FAM167A: variants seen among roughly 807,000 people sequenced by gnomAD.
FAM167A encodes protein FAM167A.
FAM167A carries 23 observed loss-of-function variants against 14.9 expected under a neutral mutation model. That is an observed-to-expected ratio of 1.55 (90% CI 1.11 to 2.19). FAM167A has a LOEUF of 2.19. Among genes scored for constraint, FAM167A ranks in the 30% most tolerant of loss-of-function variants. FAM167A has a pLI of 0.00. For missense variants in FAM167A, 401 were observed against 281.5 expected (o/e 1.42, Z -3.04); for synonymous variants, 174 against 117.7 (o/e 1.48, Z -3.10).
intron 1 of FAM167A, among the ~76,000 whole-genome samples, chr8:11,449,154 T>C (rs1806918100): frequency 6.6e-6 from 1 of 152,194 alleles, no homozygotes; most frequent in East Asian, 1.9e-4. Context: ...GCAGCATGTG[T>C]TTTCCTGGTC....
intron 1 of FAM167A, among the ~76,000 whole-genome samples, chr8:11,463,552 T>C (rs1337397401): frequency 6.6e-6 from 1 of 152,190 alleles, no homozygotes; most frequent in Non-Finnish European, 1.5e-5. Context: ...CTGTAGCCAG[T>C]GCACAAGTCA....
At chr8:11,461,897 T>C (rs894974463) in intron 1 of FAM167A, among the ~76,000 whole-genome samples, 1 of 152,232 alleles carries the variant, frequency 6.6e-6, no homozygotes, top group Non-Finnish European at 1.5e-5. Context: ...ACTGGGCACC[T>C]CCACGTTCGG....
chr8:11,470,952 G>C (rs531106258), upstream of FAM167A, among the ~76,000 whole-genome samples: 6 of 152,190 alleles, frequency 3.9e-5, no homozygotes, highest in African/African-American at 1.4e-4. Context: ...AGGACAATGA[G>C]GGCCAGCTTT....
intron 2 of FAM167A, among the ~76,000 whole-genome samples, chr8:11,442,990 T>G (rs1299332081): frequency 6.6e-6 from 1 of 152,206 alleles, no homozygotes; most frequent in Non-Finnish European, 1.5e-5. Context: ...TTCGGGATTC[T>G]GCAAAACAAA....
At chr8:11,437,424 G>A (rs545850724) in intron 2 of FAM167A, among the ~76,000 whole-genome samples, 13 of 152,250 alleles carry the variant, frequency 8.5e-5, no homozygotes, top group Middle Eastern at 3.4e-3. Context: ...CCTGCTCAAC[G>A]CGCTGCCAAG....
At chr8:11,455,679 A>C (rs1251370358) in intron 1 of FAM167A, among the ~76,000 whole-genome samples, 7 of 55,238 alleles carry the variant, frequency 1.3e-4, no homozygotes, top group Non-Finnish European at 2.4e-4. Context: ...TGTGAATGTG[A>C]GTGTGGGTGT....
chr8:11,425,068 A>G (rs1030132173), intron 2 of FAM167A, among the ~76,000 whole-genome samples: 1 of 152,194 alleles, frequency 6.6e-6, no homozygotes, highest in Non-Finnish European at 1.5e-5. Context: ...TGTGATGGCC[A>G]TGTTTTCTTT....
At chr8:11,475,845 A>G (rs938923080) in intron 1 of FAM167A, among the ~76,000 whole-genome samples, 1 of 151,518 alleles carries the variant, frequency 6.6e-6, no homozygotes, top group African/African-American at 2.4e-5. Context: ...CACCTGGGAC[A>G]CCTGCCACTC....
intron 2 of FAM167A, among the ~76,000 whole-genome samples, chr8:11,442,937 C>A (rs1806527530): frequency 6.6e-6 from 1 of 152,234 alleles, no homozygotes; most frequent in South Asian, 2.1e-4. Context: ...CCAGTGGATT[C>A]TCTCAGCCCC....
At chr8:11,445,367 A>C (rs1230697078) in intron 1 of FAM167A, 1 of 986,128 alleles carries the variant, frequency 1.0e-6, no homozygotes, top group Admixed American at 6.1e-5. Context: ...CCGTTTCTAC[A>C]TCCAGGTCTT....
chr8:11,464,904 G>T (rs76368678), intron 1 of FAM167A, among the ~76,000 whole-genome samples: 1 of 152,196 alleles, frequency 6.6e-6, no homozygotes, highest in Non-Finnish European at 1.5e-5. Flanking sequence ...CCCTGCCAGA[G>T]TTCCTCCTGG....
At chr8:11,430,094 T>C (rs1384928268) in intron 2 of FAM167A, among the ~76,000 whole-genome samples, 3 of 152,168 alleles carry the variant, frequency 2.0e-5, no homozygotes, top group Non-Finnish European at 2.9e-5. Context: ...TTTCATGCTG[T>C]CTCTGGCAAA....
Position 11,424,072 on chromosome 8 carries a change from G to A in FAM167A, c.*301C>T, listed in dbSNP as rs144838125. 12 of 313,912 alleles carry A rather than the reference G, an allele frequency of 3.8e-5. No individual in the cohort carries two copies. The highest frequency in any genetic ancestry group is 8.8e-5 in the Admixed American group (2 of 22,752). 19.4% of individuals were successfully genotyped at this position (313,912 alleles called of 1,614,324 possible). A position where few individuals can be genotyped will look rare whatever the true frequency, so the allele number is the denominator to read the frequency against. ...ACCAGTGATTCCAGGAAACAGGAAC[G>A]TGACCGTGGAGGGATGGATTATGGT... On this transcript the variant is annotated 3_prime_UTR_variant, in exon 3 of 3. Transcript: ENST00000284486.
At chr8:11,470,412 T>G (rs564725791), upstream of FAM167A, among the ~76,000 whole-genome samples, 3 of 152,196 alleles carry the variant, frequency 2.0e-5, no homozygotes, top group South Asian at 6.2e-4. Flanking sequence ...GAGGCCAGAA[T>G]GCAGCAGGCA....
At chr8:11,463,719 C>T (rs948165425) in intron 1 of FAM167A, among the ~76,000 whole-genome samples, 11 of 152,220 alleles carry the variant, frequency 7.2e-5, no homozygotes, top group African/African-American at 2.7e-4. Flanking sequence ...CTGGAGGGAA[C>T]TTCCGGCCAC....
chr8:11,443,911 TAGAG>T (rs1806598735), intron 2 of FAM167A, 116 bp downstream of exon 2: 2 of 1,246,078 alleles, frequency 1.6e-6, no homozygotes, highest in Non-Finnish European at 2.2e-6. Context: ...ACTTGGGGGT[TAGAG>T]AGAGGGGAAG....
intron 2 of FAM167A, among the ~76,000 whole-genome samples, chr8:11,426,296 C>CATT (rs1805140576): frequency 1.3e-5 from 2 of 152,182 alleles, no homozygotes; most frequent in African/African-American, 4.8e-5. Context: ...TTGCTTGTAA[C>CATT]TCCTGTCTCT....
chr8:11,437,068 C>G (rs1806069254), intron 2 of FAM167A, among the ~76,000 whole-genome samples: 1 of 152,200 alleles, frequency 6.6e-6, no homozygotes, highest in Admixed American at 6.5e-5. Flanking sequence ...ACTTCATACT[C>G]CATTACTCGG....
intron 2 of FAM167A, among the ~76,000 whole-genome samples, chr8:11,426,741 C>CCTTTGGTTGATCAGT (rs1405859622): frequency 6.6e-6 from 1 of 152,092 alleles, no homozygotes; most frequent in East Asian, 1.9e-4. Context: ...CTTTGATCAG[C>CCTTTGGTTGATCAGT]CTTTGGTTGA....
Sources: gnomAD v4.1 joint callset for allele counts (sites outside exome capture counted in the v4.1 genomes callset) on GRCh38, gnomAD v4.1.1 for gene constraint, MANE v1.5 for transcripts, NCBI Gene and HGNC (gene_info 2026-07-23, HGNC 2026-07-21) for gene names.